The following MSH4 variants were observed in gnomAD, a reference collection of about 807,000 sequenced individuals.
MSH4 encodes the protein mutS protein homolog 4.
MSH4 carries 106 observed loss-of-function variants against 113.7 expected under a neutral mutation model. The ratio of observed to expected loss-of-function variants is 0.93; its 90% confidence interval spans 0.80 to 1.10. MSH4 has a LOEUF of 1.10. MSH4 is among the 50% of genes least tolerant of loss of function. The pLI is 0.00. For missense variants in MSH4, 1,061 were observed against 1,093.7 expected (o/e 0.97, Z 0.42); for synonymous variants, 368 against 380.2 (o/e 0.97, Z 0.37).
chr1:75,825,526 A>G (rs1650527470), intron 7 of MSH4, among the ~76,000 whole-genome samples: 1 of 152,172 alleles, frequency 6.6e-6, no homozygotes, highest in Non-Finnish European at 1.5e-5. Flanking sequence ...GAGAAAGGAC[A>G]TCCTTGTCTT....
intron 8 of MSH4, among the ~76,000 whole-genome samples, chr1:75,856,609 A>G (rs1034828117): frequency 6.6e-6 from 1 of 152,192 alleles, no homozygotes; most frequent in Non-Finnish European, 1.5e-5. Flanking sequence ...CCTGCAAAGC[A>G]CATGAACTCA....
chr1:75,832,162 A>G (rs1187272534), intron 7 of MSH4, among the ~76,000 whole-genome samples: 1 of 152,248 alleles, frequency 6.6e-6, no homozygotes, highest in Non-Finnish European at 1.5e-5. Flanking sequence ...AAACACCTCT[A>G]TGCAAATAAA....
At chr1:75,797,412 C>CTAT (rs1649841567) in intron 1 of MSH4, among the ~76,000 whole-genome samples, 183 bp downstream of exon 1, 1 of 152,110 alleles carries the variant, frequency 6.6e-6, no homozygotes, top group Admixed American at 6.5e-5. Context: ...CAAATTGGTT[C>CTAT]TATTGCAAGA....
chr1:75,862,533 G>C (rs1249456894), intron 8 of MSH4, among the ~76,000 whole-genome samples: 2 of 152,114 alleles, frequency 1.3e-5, no homozygotes. Context: ...GAGGCTTTTT[G>C]TTAAGACTGT....
At chr1:75,859,529 C>G (rs1382983882) in intron 8 of MSH4, among the ~76,000 whole-genome samples, 1 of 152,164 alleles carries the variant, frequency 6.6e-6, no homozygotes, top group Non-Finnish European at 1.5e-5. Flanking sequence ...ACTGAGTAGT[C>G]ATTCAGGAGC....
intron 8 of MSH4, among the ~76,000 whole-genome samples, chr1:75,865,461 C>T (rs182677496): frequency 5.3e-5 from 8 of 151,978 alleles, no homozygotes; most frequent in African/African-American, 1.9e-4. Flanking sequence ...ACGTATAGTT[C>T]CCAAGAGGAG....
chr1:75,797,358 C>T (rs1030834865), intron 1 of MSH4, 129 bp downstream of exon 1: 5 of 1,297,738 alleles, frequency 3.9e-6, no homozygotes, highest in Non-Finnish European at 5.2e-6. Flanking sequence ...ATCTGAGTGC[C>T]CTGGGAATTT....
At position 75,815,682 on chromosome 1, in the gene MSH4, T is replaced by C. The variant is rs536638031; in HGVS notation, c.815+546T>C. On this transcript the variant is annotated intron_variant, in intron 5 of 19. Transcript: ENST00000263187. The stretch of plus-strand genomic sequence containing the variant: ...AGTTAATAACAATCATTATTCTCAC[T>C]GAGATCATAACATACTTCTCTGTAC... 3.9e-5 allele frequency among the ~76,000 whole-genome samples: 6 copies of C among 152,296 alleles called. No individual in the cohort carries two copies. In the South Asian group the frequency reaches 1.2e-3, roughly 32 times the overall value.
At chr1:75,907,684 C>CTCTCTCTCTATATATA (rs1307238647) in intron 19 of MSH4, among the ~76,000 whole-genome samples, 1 of 46,572 alleles carries the variant, frequency 2.1e-5, no homozygotes, top group Non-Finnish European at 3.7e-5. Flanking sequence ...CTCTCTCTCT[C>CTCTCTCTCTATATATA]TATACATATA....
Position 75,807,005 on chromosome 1 carries a change from C to G in MSH4, c.452C>G (p.Ala151Gly). The change falls in exon 3 of 20, where the codon GCA becomes GGA. Residue 151 changes from alanine (A) to glycine (G), a missense_variant. Transcript: ENST00000263187. ...GCTTCATCCTCATCTGCGATTTCTG[C>G]ACACTCCCCATCAGTTATTGTAGCT... The part of the protein sequence containing the change: ...YSASSSSAIS[A>G]HSPSVIVAVV... 4 of 1,581,198 alleles carry G rather than the reference C, an allele frequency of 2.5e-6. No homozygotes were observed. The highest frequency in any genetic ancestry group is 3.4e-6 in the Non-Finnish European group (4 of 1,169,868).
intron 4 of MSH4, among the ~76,000 whole-genome samples, chr1:75,812,881 G>A (rs536216810): frequency 1.3e-5 from 2 of 152,256 alleles, no homozygotes; most frequent in African/African-American, 4.8e-5. Context: ...GTCATCCTAG[G>A]GATGTGGCTT....
chr1:75,817,387 T>C (rs1217923176), intron 6 of MSH4, among the ~76,000 whole-genome samples: 1 of 152,192 alleles, frequency 6.6e-6, no homozygotes, highest in African/African-American at 2.4e-5. Flanking sequence ...TCTTTGACTT[T>C]CTATGATATC....
chr1:75,857,243 A>T (rs150620096), intron 8 of MSH4, among the ~76,000 whole-genome samples: 1 of 152,092 alleles, frequency 6.6e-6, no homozygotes, highest in African/African-American at 2.4e-5. Flanking sequence ...TAAGTTGCCT[A>T]TTCACTCTGA....
At chr1:75,802,380 G>T (rs1328869683) in intron 1 of MSH4, among the ~76,000 whole-genome samples, 3 of 152,016 alleles carry the variant, frequency 2.0e-5, no homozygotes, top group Non-Finnish European at 4.4e-5. Flanking sequence ...AAGAAGCAGA[G>T]GAAAAAGGAG....
intron 17 of MSH4, among the ~76,000 whole-genome samples, chr1:75,896,999 C>T (rs759525090): frequency 9.2e-5 from 14 of 152,102 alleles, no homozygotes; most frequent in Non-Finnish European, 1.2e-4. Context: ...CCTTGCTTTT[C>T]ACTTTCCATA....
At chr1:75,853,566 T>C (rs60832961) in intron 8 of MSH4, among the ~76,000 whole-genome samples, 7,136 of 152,272 alleles carry the variant, frequency 0.047, 201 homozygotes, top group African/African-American at 0.064. Flanking sequence ...ATAAGTATTT[T>C]GTGGGGAGGT....
intron 7 of MSH4, among the ~76,000 whole-genome samples, chr1:75,846,367 A>G (rs950296624): frequency 9.2e-5 from 14 of 152,204 alleles, no homozygotes; most frequent in African/African-American, 3.4e-4. Context: ...TAAATTATAA[A>G]TGTCATCTTT....
chr1:75,900,531 T>A (rs1327011957), intron 19 of MSH4, among the ~76,000 whole-genome samples: 2 of 152,118 alleles, frequency 1.3e-5, no homozygotes, highest in Admixed American at 6.6e-5. Flanking sequence ...GGTCTCGAAC[T>A]CCTGACCTCA....
rs1305275013 is a variant in MSH4 at position 75,900,899 on chromosome 1, G to GCCTT, written c.2619+1195_2619+1198dup. ...TCAATTATGGACCACCTCTCTACTAGCCTTCTAGTAGGCTTTGATTCTCCT... is the reference window on the plus strand; with the variant it reads ...TCAATTATGGACCACCTCTCTACTAGCCTTCCTTCTAGTAGGCTTTGATTCTCCT... On this transcript the variant is annotated intron_variant, in intron 19 of 19. Transcript: ENST00000263187. 2.6e-5 allele frequency among the ~76,000 whole-genome samples: 4 copies of GCCTT among 152,086 alleles called. No homozygotes were observed. In the East Asian group the frequency reaches 7.7e-4, roughly 29 times the overall value.
Sources: gnomAD v4.1 joint callset for allele counts (sites outside exome capture counted in the v4.1 genomes callset) on GRCh38, gnomAD v4.1.1 for gene constraint, MANE v1.5 for transcripts, NCBI Gene and HGNC (gene_info 2026-07-23, HGNC 2026-07-21) for gene names.